TRPC4: variants seen among roughly 807,000 people sequenced by gnomAD.
TRPC4 encodes short transient receptor potential channel 4.
Under a neutral mutation model 99.4 loss-of-function variants are expected in TRPC4, and 49 were observed. The ratio of observed to expected loss-of-function variants is 0.49; its 90% confidence interval spans 0.39 to 0.63. The LOEUF (loss-of-function observed/expected upper bound fraction) is 0.63. Ranked by LOEUF, TRPC4 falls within the 20% of genes least tolerant of loss-of-function variation. TRPC4 has a pLI of 0.00. For missense variants in TRPC4, 898 were observed against 1,152.9 expected, an observed-to-expected ratio of 0.78 and a Z score of 3.20; for synonymous variants, 454 against 425.9, an observed-to-expected ratio of 1.07 and a Z score of -0.81.
At chr13:37,686,081 A>G (rs1391702960) in intron 4 of TRPC4, among the ~76,000 whole-genome samples, 5 of 152,116 alleles carry the variant, frequency 3.3e-5, no homozygotes, top group Non-Finnish European at 7.4e-5. Context: ...AGATTATTTG[A>G]GCACCACGAC....
intron 1 of TRPC4, among the ~76,000 whole-genome samples, chr13:37,800,675 A>ATG (rs1199826637): frequency 6.6e-6 from 1 of 152,084 alleles, no homozygotes; most frequent in Non-Finnish European, 1.5e-5. Context: ...AAATATATAC[A>ATG]TGTGTATAGA....
intron 1 of TRPC4, among the ~76,000 whole-genome samples, chr13:37,839,909 T>C (rs1198663678): frequency 1.3e-5 from 2 of 152,264 alleles, no homozygotes; most frequent in African/African-American, 4.8e-5. Flanking sequence ...ATCAACCAAG[T>C]ATTCTATCCT....
chr13:37,824,071 T>A lies in TRPC4; in HGVS notation c.-27-40711A>T, dbSNP rs1443443765. Among the ~76,000 whole-genome samples, 372 of 147,800 alleles carry A rather than the reference T, an allele frequency of 2.5e-3. 2 individuals carry two copies. The highest frequency in any genetic ancestry group is 8.9e-3 in the African/African-American group (351 of 39,566). On this transcript the variant is annotated intron_variant, in intron 1 of 10. Transcript: ENST00000379705. ...AGTTCCCTCATGATTTGGCTCTCTG[T>A]TTGTCTGTTGTTGGTGTATAAGAAT... is the stretch of plus-strand genomic sequence containing the variant.
intron 3 of TRPC4, among the ~76,000 whole-genome samples, chr13:37,693,580 T>G (rs1005645504): frequency 6.6e-6 from 1 of 152,206 alleles, no homozygotes; most frequent in Admixed American, 6.5e-5. Flanking sequence ...AAGCAAGACT[T>G]TTTCCTTTCT....
chr13:37,659,959 C>T (rs1952373228), intron 6 of TRPC4, among the ~76,000 whole-genome samples: 2 of 152,058 alleles, frequency 1.3e-5, no homozygotes, highest in Non-Finnish European at 2.9e-5. Flanking sequence ...CTTCAGGAGG[C>T]ATGTAGAGAG....
At chr13:37,839,283 A>G (rs1030907003) in intron 1 of TRPC4, among the ~76,000 whole-genome samples, 5 of 152,138 alleles carry the variant, frequency 3.3e-5, no homozygotes, top group Non-Finnish European at 5.9e-5. Flanking sequence ...ACCGAAAACC[A>G]GGTAGTAAGG....
At position 37,838,319 on chromosome 13, in the gene TRPC4, A is replaced by T. The variant is rs141775069; in HGVS notation, c.-28+31276T>A. ...GAACTTATTAGGAATGCAAATTCAC[A>T]TGCTCTACCTCTCACCCACTAATCC... On this transcript the variant is annotated intron_variant, in intron 1 of 10. Coordinates refer to ENST00000379705, the MANE Select transcript of TRPC4 (RefSeq NM_016179.4). Among the ~76,000 whole-genome samples the T allele has an allele frequency of 5.3e-5, 8 of 152,326 alleles. No homozygotes were observed. The East Asian group carries it at 1.5e-3, about 29-fold the overall frequency.
intron 2 of TRPC4, among the ~76,000 whole-genome samples, chr13:37,782,526 A>G (rs1276730594): frequency 1.3e-5 from 2 of 152,098 alleles, no homozygotes; most frequent in Non-Finnish European, 2.9e-5. Flanking sequence ...GCAGAAGCCC[A>G]GAACAGGCAA....
intron 1 of TRPC4, among the ~76,000 whole-genome samples, chr13:37,855,529 T>C (rs1959166056): frequency 6.6e-6 from 1 of 151,786 alleles, no homozygotes; most frequent in Middle Eastern, 3.4e-3. Flanking sequence ...ATAGGACAAA[T>C]AGGCTTAATA....
chr13:37,812,074 G>A (rs1957704638), intron 1 of TRPC4, among the ~76,000 whole-genome samples: 1 of 150,718 alleles, frequency 6.6e-6, no homozygotes, highest in African/African-American at 2.4e-5. Flanking sequence ...AACTACTTGG[G>A]AGGCTGAGGC....
chr13:37,681,075 G>A (rs1207437473), intron 4 of TRPC4, among the ~76,000 whole-genome samples: 1 of 152,116 alleles, frequency 6.6e-6, no homozygotes, highest in Non-Finnish European at 1.5e-5. Context: ...TTGGGAAGGA[G>A]GTATAAAGAA....
At chr13:37,827,329 T>C (rs1434819907) in intron 1 of TRPC4, among the ~76,000 whole-genome samples, 4 of 152,232 alleles carry the variant, frequency 2.6e-5, no homozygotes, top group African/African-American at 9.6e-5. Flanking sequence ...ACTGCATTCC[T>C]TTCGAGGTGG....
Position 37,635,854 on chromosome 13 carries a change from A to G in TRPC4, c.*1049T>C, listed in dbSNP as rs1425614496. On this transcript the variant is annotated 3_prime_UTR_variant, in exon 11 of 11. Transcript: ENST00000379705. ...TATATCTATATCTGCTGATAAAATT[A>G]ATAATGATTTTTGAGTGATTTAATT... Among the ~76,000 whole-genome samples the G allele has an allele frequency of 1.3e-5, 2 of 152,110 alleles. No individual in the cohort carries two copies. The highest frequency in any genetic ancestry group is 2.9e-5 in the Non-Finnish European group (2 of 67,982).
At chr13:37,844,525 C>T (rs961328058) in intron 1 of TRPC4, among the ~76,000 whole-genome samples, 1 of 152,116 alleles carries the variant, frequency 6.6e-6, no homozygotes, top group African/African-American at 2.4e-5. Flanking sequence ...GAACTCCTGA[C>T]CTCAGGCGAT....
chr13:37,651,110 A>G (rs1952031567), intron 8 of TRPC4, 155 bp downstream of exon 8: 1 of 801,808 alleles, frequency 1.2e-6, no homozygotes, highest in Non-Finnish European at 1.9e-6. Context: ...TTAATCAGAC[A>G]CTGCCTTAGT....
At chr13:37,646,727 A>G (rs957601328) in intron 8 of TRPC4, among the ~76,000 whole-genome samples, 2 of 152,236 alleles carry the variant, frequency 1.3e-5, no homozygotes, top group Non-Finnish European at 2.9e-5. Context: ...ATATTTGAGA[A>G]CAAATGCTGT....
chr13:37,702,597 A>G (rs2138940999), intron 3 of TRPC4, among the ~76,000 whole-genome samples: 1 of 152,278 alleles, frequency 6.6e-6, no homozygotes, highest in South Asian at 2.1e-4. Context: ...CTGTCTTCCA[A>G]CTATACAGTT....
At chr13:37,731,152 A>G (rs1230574073) in intron 3 of TRPC4, among the ~76,000 whole-genome samples, 2 of 152,108 alleles carry the variant, frequency 1.3e-5, no homozygotes, top group Non-Finnish European at 2.9e-5. Context: ...TTACATTACA[A>G]GCAAGAAAAT....
intron 1 of TRPC4, among the ~76,000 whole-genome samples, chr13:37,789,637 G>T (rs1309344037): frequency 6.6e-6 from 1 of 151,158 alleles, no homozygotes; most frequent in Non-Finnish European, 1.5e-5. Flanking sequence ...AGCAATTCCA[G>T]TCAATAGCTG....
Sources: allele counts gnomAD v4.1 joint callset (sites outside exome capture counted in the v4.1 genomes callset), GRCh38; gene constraint gnomAD v4.1.1; transcripts MANE v1.5; gene names NCBI Gene and HGNC (gene_info 2026-07-23, HGNC 2026-07-21).